PTPRD: variants seen among roughly 807,000 people sequenced by gnomAD.
PTPRD encodes the protein protein tyrosine phosphatase receptor type D.
In PTPRD, 34 loss-of-function variants were observed where a neutral mutation model predicts 214.5. The ratio of observed to expected loss-of-function variants is 0.16; its 90% CI spans 0.12 to 0.21. The LOEUF (loss-of-function observed/expected upper bound fraction) is 0.21. PTPRD is among the 10% of genes least tolerant of loss of function. The probability of loss-of-function intolerance (pLI) is 1.00; values close to 1 mark genes in which losing one functional copy is unlikely to be tolerated. For synonymous variants in PTPRD, 1,128 were observed against 845.7 expected (o/e 1.33, Z -5.79); for missense variants, 2,545 against 2,398.7 (o/e 1.06, Z -1.27).
chr9:10,480,082 T>C (rs1423404850), intron 2 of PTPRD, among the ~76,000 whole-genome samples: 2 of 151,766 alleles, frequency 1.3e-5, no homozygotes, highest in Non-Finnish European at 2.9e-5. Flanking sequence ...CATAAGCTAA[T>C]GGTTTTATGA....
chr9:9,959,146 T>C (rs180964277), intron 4 of PTPRD, among the ~76,000 whole-genome samples: 1 of 152,278 alleles, frequency 6.6e-6, no homozygotes, highest in Non-Finnish European at 1.5e-5. Context: ...TATATCTATA[T>C]AATAAAATAT....
At chr9:9,931,493 C>T (rs915590704) in intron 5 of PTPRD, among the ~76,000 whole-genome samples, 1 of 152,150 alleles carries the variant, frequency 6.6e-6, no homozygotes, top group Non-Finnish European at 1.5e-5. Context: ...CGGGTCGCTC[C>T]CACCCGAATA....
intron 12 of PTPRD, among the ~76,000 whole-genome samples, chr9:8,652,225 G>A (rs1037638869): frequency 2.0e-5 from 3 of 152,130 alleles, no homozygotes; most frequent in South Asian, 2.1e-4. Context: ...AATGCATGCC[G>A]AAATAAACTG....
intron 11 of PTPRD, among the ~76,000 whole-genome samples, chr9:8,787,825 C>A (rs920146365): frequency 2.0e-5 from 3 of 152,256 alleles, no homozygotes; most frequent in South Asian, 4.1e-4. Context: ...ATGCTGCCTC[C>A]ACCCCAGTCA....
intron 9 of PTPRD, among the ~76,000 whole-genome samples, chr9:9,354,456 G>T (rs1459709916): frequency 6.6e-6 from 1 of 151,558 alleles, no homozygotes; most frequent in African/African-American, 2.4e-5. Flanking sequence ...TATTAATAAG[G>T]TCTTGTAATA....
intron 8 of PTPRD, among the ~76,000 whole-genome samples, chr9:9,570,764 G>T (rs1027479027): frequency 3.3e-5 from 5 of 151,276 alleles, no homozygotes; most frequent in Non-Finnish European, 7.4e-5. Context: ...ATCATGTTTG[G>T]CTACCTAAAA....
chr9:8,660,268 G>C (rs374741919), intron 12 of PTPRD, among the ~76,000 whole-genome samples: 6 of 151,370 alleles, frequency 4.0e-5, no homozygotes, highest in African/African-American at 1.5e-4. Flanking sequence ...AGCCATACAC[G>C]TAACAGGGAT....
chr9:8,833,779 T>C (rs1189428421), intron 11 of PTPRD, among the ~76,000 whole-genome samples: 1 of 97,240 alleles, frequency 1.0e-5, no homozygotes, highest in African/African-American at 5.5e-5. Context: ...ATGTATGATT[T>C]AATAACTGTT....
intron 8 of PTPRD, among the ~76,000 whole-genome samples, chr9:9,479,017 G>C (rs528901742): frequency 8.6e-5 from 13 of 151,908 alleles, no homozygotes; most frequent in Non-Finnish European, 1.9e-4. Flanking sequence ...GTGGCTTTCT[G>C]GATTCAGAGA....
chr9:8,971,235 C>T (rs1468785810), intron 11 of PTPRD, among the ~76,000 whole-genome samples: 2 of 151,616 alleles, frequency 1.3e-5, no homozygotes, highest in Non-Finnish European at 3.0e-5. Context: ...TATAAGTTAA[C>T]TTAGAATTTA....
At chr9:8,492,681 G>C (rs1389153006) in intron 27 of PTPRD, among the ~76,000 whole-genome samples, 181 bp downstream of exon 27, 1 of 145,290 alleles carries the variant, frequency 6.9e-6, no homozygotes, top group Non-Finnish European at 1.5e-5. Context: ...TTATGCACTT[G>C]GACTATTTTT....
intron 5 of PTPRD, among the ~76,000 whole-genome samples, chr9:9,787,864 C>T (rs2098937307): frequency 1.3e-5 from 2 of 151,850 alleles, no homozygotes; most frequent in African/African-American, 4.8e-5. Context: ...TCACTGCAAC[C>T]TCCACCTCCC....
At chr9:8,784,243 G>T (rs975123307) in intron 11 of PTPRD, among the ~76,000 whole-genome samples, 1 of 152,174 alleles carries the variant, frequency 6.6e-6, no homozygotes, top group African/African-American at 2.4e-5. Context: ...AAAACGACAT[G>T]ACCTGGAAAG....
chr9:9,871,791 C>T lies in PTPRD; in HGVS notation c.-368+66716G>A, dbSNP rs2065522445. Among the ~76,000 whole-genome samples the T allele has an allele frequency of 2.0e-5, 3 of 152,112 alleles. No individual in the cohort carries two copies. In the South Asian group the frequency reaches 6.2e-4, roughly 32 times the overall value. ...CATGGGCAGAGGGTAAGCAACCTAA[C>T]CTCCTTAGGCCCTAAGATTATCTTC... On this transcript the variant is annotated intron_variant, in intron 5 of 45. Coordinates refer to ENST00000381196, the MANE Select transcript of PTPRD (RefSeq NM_002839.4).
rs2096130948 is a variant in PTPRD, at chr9:9,495,437, C to T, written c.-237+79295G>A. Among the ~76,000 whole-genome samples the T allele has an allele frequency of 1.3e-5, 2 of 152,026 alleles. 1 individual carries two copies. The highest frequency in any genetic ancestry group is 1.3e-4 in the Admixed American group (2 of 15,254). Reference sequence around the variant, plus strand: ...CCCAATTGGTTCTTTCTGAATAATGCCTTTTTACCAATCAAATGTTGCCTT... The same window carrying T: ...CCCAATTGGTTCTTTCTGAATAATGTCTTTTTACCAATCAAATGTTGCCTT... On this transcript the variant is annotated intron_variant, in intron 8 of 45. Transcript: ENST00000381196.
chr9:9,454,838 CAT>C (rs888193149), intron 8 of PTPRD, among the ~76,000 whole-genome samples: 1 of 150,380 alleles, frequency 6.6e-6, no homozygotes, highest in Admixed American at 6.7e-5. Context: ...CTCATATATA[CAT>C]ATATATATAC....
In PTPRD at chr9:10,013,810, G is replaced by A. The variant is rs187492258; in HGVS notation, c.-472+19908C>T. Among the ~76,000 whole-genome samples the A allele has an allele frequency of 6.8e-4, 104 of 151,884 alleles. 2 individuals carry two copies. The East Asian group carries it at 0.018, about 26-fold the overall frequency. Reference sequence around the variant, plus strand: ...TTTCTGCTAGCTATTTTATATTTTGGTTCACATAATAATGTTCTAGAATTT... The same window carrying A: ...TTTCTGCTAGCTATTTTATATTTTGATTCACATAATAATGTTCTAGAATTT... On this transcript the variant is annotated intron_variant, in intron 4 of 45. Transcript: ENST00000381196.
At chr9:8,536,975 G>C (rs1357808053) in intron 14 of PTPRD, among the ~76,000 whole-genome samples, 2 of 151,950 alleles carry the variant, frequency 1.3e-5, no homozygotes, top group East Asian at 3.9e-4. Flanking sequence ...TACAAACAAG[G>C]ACCACCATTT....
intron 4 of PTPRD, among the ~76,000 whole-genome samples, chr9:10,012,256 G>C (rs576241286): frequency 1.3e-5 from 2 of 151,800 alleles, no homozygotes; most frequent in Non-Finnish European, 2.9e-5. Flanking sequence ...ATTGAAATGA[G>C]GTTTTAATCA....
Sources: gnomAD v4.1 joint callset for allele counts (sites outside exome capture counted in the v4.1 genomes callset) on GRCh38, gnomAD v4.1.1 for gene constraint, MANE v1.5 for transcripts, NCBI Gene and HGNC (gene_info 2026-07-23, HGNC 2026-07-21) for gene names.